The following RSRP1 variants were observed in gnomAD, a reference collection of about 807,000 sequenced individuals.
RSRP1 encodes the protein arginine/serine-rich protein 1.
Under a neutral mutation model 33.0 loss-of-function variants are expected in RSRP1, and 37 were observed. The ratio of observed to expected loss-of-function variants is 1.12; its 90% CI spans 0.86 to 1.48. The LOEUF (loss-of-function observed/expected upper bound fraction) is 1.48, where lower values mean the gene tolerates loss of function less well. Ranked by LOEUF, RSRP1 falls within the 40% of genes most tolerant of loss-of-function variation. The pLI is 0.00. For missense variants in RSRP1, 402 were observed against 385.3 expected (o/e 1.04, Z -0.36); for synonymous variants, 167 against 158.7 (o/e 1.05, Z -0.40).
At position 25,268,262 on chromosome 1, in the gene RSRP1, T is replaced by A. The variant is rs1640385342; in HGVS notation, c.-66-21233A>T. Among the ~76,000 whole-genome samples, 2 of 132,396 alleles carry A rather than the reference T, an allele frequency of 1.5e-5. 1 individual carries two copies. The highest frequency in any genetic ancestry group is 5.2e-5 in the African/African-American group (2 of 38,748). 86.9% of individuals were successfully genotyped at this position (132,396 alleles called of 152,430 possible). A position where few individuals can be genotyped will look rare whatever the true frequency, so the allele number is the denominator to read the frequency against. The stretch of plus-strand genomic sequence containing the variant: ...GGCCGGGCGCAGTGGCTCACGCCTG[T>A]AATCCCAGTACTTTGCGAGGCCAAG... On this transcript the variant is annotated intron_variant, in intron 1 of 1. Coordinates refer to the RSRP1 transcript ENST00000561867.
At position 25,282,126 on chromosome 1, in the gene RSRP1, GA is replaced by G. The variant is rs1206692129; in HGVS notation, c.-66-35098del. On this transcript the variant is annotated intron_variant, in intron 1 of 1. Coordinates refer to the RSRP1 transcript ENST00000561867. ...AACATTATTTCCTTTGGATTTCCCA[GA>G]AACCTCTCAGGTGGGTCTAATTACC... Among the ~76,000 whole-genome samples, 4 of 132,630 alleles carry G rather than the reference GA, an allele frequency of 3.0e-5. 1 individual carries two copies. Among genetic ancestry groups the G allele is most frequent in the African/African-American group, 1.0e-4 (4 of 38,916 alleles). The allele number at this position is 132,630 out of a possible 152,430, so 87.0% of individuals were successfully genotyped here. A position where few individuals can be genotyped will look rare whatever the true frequency, so the allele number is the denominator to read the frequency against.
chr1:25,247,091 A>T, intron 1 of RSRP1, 62 bp from the exon 2 acceptor site: 1 of 1,059,814 alleles, frequency 9.4e-7, no homozygotes, highest in Non-Finnish European at 1.3e-6. Flanking sequence ...GCCACCCGGA[A>T]GCCACAGTCG....
intron 1 of RSRP1, among the ~76,000 whole-genome samples, chr1:25,260,814 T>C (rs1210123062): frequency 1.3e-5 from 2 of 151,790 alleles, no homozygotes; most frequent in Admixed American, 1.3e-4. Flanking sequence ...TTTTTTTTTT[T>C]TGAGACAGAG....
At position 25,289,887 on chromosome 1, in the gene RSRP1, C is replaced by T. The variant is rs1324009526; in HGVS notation, c.-66-42858G>A. Among the ~76,000 whole-genome samples the T allele has an allele frequency of 1.6e-5, 2 of 128,558 alleles. 1 individual carries two copies. Among genetic ancestry groups the T allele is most frequent in the Non-Finnish European group, 3.6e-5 (2 of 54,986 alleles). The allele number at this position is 128,558 out of a possible 152,430, so 84.3% of individuals were successfully genotyped here. On this transcript the variant is annotated intron_variant, in intron 1 of 1. Coordinates refer to the RSRP1 transcript ENST00000561867. ...AAATAATTTTCTACTCCTGAGCATG[C>T]TCATTGGTCAAAGGAAGGAAGGAAT...
At chr1:25,246,387 T>C in intron 2 of RSRP1, 57 bp downstream of exon 2, 1 of 1,577,140 alleles carries the variant, frequency 6.3e-7, no homozygotes, top group Non-Finnish European at 8.6e-7. Flanking sequence ...TTCCCTAGCC[T>C]ACTCATATAC....
intron 1 of RSRP1, chr1:25,335,794 A>G: frequency 2.2e-5 from 2 of 91,702 alleles, no homozygotes; most frequent in African/African-American, 6.9e-5. Flanking sequence ...ACTGTAATCC[A>G]CACTTGTTTT....
In RSRP1 at chr1:25,243,549, C is replaced by A. The variant is rs1362530482; in HGVS notation, c.756+1G>T. The stretch of plus-strand genomic sequence containing the variant: ...AGTGTTCAATGCCTGGATATACTTA[C>A]ATTAGAGCTAAAAGCTATGCTTCTT... On this transcript the variant is annotated splice_donor_variant, in intron 4 of 4. Coordinates refer to ENST00000243189, the MANE Select transcript of RSRP1 (RefSeq NM_020317.5). LOFTEE classifies it high-confidence loss of function. The A allele has an allele frequency of 6.2e-7, 1 of 1,613,530 alleles. No homozygotes were observed. The highest frequency in any genetic ancestry group is 8.5e-7 in the Non-Finnish European group (1 of 1,179,736).
Position 25,300,869 on chromosome 1 carries a change from C to A in RSRP1, c.-67+37109G>T, listed in dbSNP as rs1392126736. On this transcript the variant is annotated intron_variant, in intron 1 of 1. Coordinates refer to the RSRP1 transcript ENST00000561867. ...CACACCTCCTAAGTGAAGCTCTGAA[C>A]TTTCTCCAAGGACTATCAGGGCTTG... 16 of 1,333,730 alleles carry A rather than the reference C, an allele frequency of 1.2e-5. 3 individuals are homozygous for A. The South Asian group carries it at 1.8e-4, about 15-fold the overall frequency. The allele number at this position is 1,333,730 out of a possible 1,614,324, so 82.6% of individuals were successfully genotyped here.
Position 25,282,348 on chromosome 1 carries a change from C to G in RSRP1, c.-66-35319G>C. Among the ~76,000 whole-genome samples, 2 of 131,374 alleles carry G rather than the reference C, an allele frequency of 1.5e-5. 1 individual carries two copies. Among genetic ancestry groups the G allele is most frequent in the Non-Finnish European group, 3.6e-5 (2 of 55,502 alleles). The allele number at this position is 131,374 out of a possible 152,430, so 86.2% of individuals were successfully genotyped here. On this transcript the variant is annotated intron_variant, in intron 1 of 1. Coordinates refer to the RSRP1 transcript ENST00000561867. ...CTCCCGGGTTCAAGCGATTCTCCTG[C>G]CTGCCTCCCGAGTAGCTGGGATTAC...
rs1157213779 is a variant in RSRP1 at position 25,284,167 on chromosome 1, G to A, written c.-66-37138C>T. ...CTTCTGTGGCTTCATTTTCTCATGT[G>A]CCCAGCCAGGGGGTTGGCCCTCATA... On this transcript the variant is annotated intron_variant, in intron 1 of 1. Transcript: ENST00000561867. 5.9e-5 allele frequency among the ~76,000 whole-genome samples: 8 copies of A among 136,300 alleles called. No individual in the cohort carries two copies. The East Asian group carries it at 1.5e-3, about 26-fold the overall frequency. 89.4% of individuals were successfully genotyped at this position (136,300 alleles called of 152,430 possible).
intron 1 of RSRP1, chr1:25,284,786 C>A (rs1641822790): frequency 7.2e-7 from 1 of 1,382,974 alleles, no homozygotes; most frequent in Non-Finnish European, 1.0e-6. Flanking sequence ...TGGATCACTT[C>A]TGGGTCATAG....
In RSRP1 at chr1:25,331,636, C is replaced by T. The variant is rs552256417; in HGVS notation, c.-67+6342G>A. Among the ~76,000 whole-genome samples the T allele has an allele frequency of 5.4e-5, 6 of 110,474 alleles. 2 individuals carry two copies. The highest frequency in any genetic ancestry group is 1.0e-4 in the Non-Finnish European group (5 of 47,946). 72.5% of individuals were successfully genotyped at this position (110,474 alleles called of 152,430 possible). A position where few individuals can be genotyped will look rare whatever the true frequency, so the allele number is the denominator to read the frequency against. ...AGGATGGAGTGCAGTGGTGCAATCT[C>T]GGCTCACTGAAACCTCCGCCTCCCA... On this transcript the variant is annotated intron_variant, in intron 1 of 1. Transcript: ENST00000561867.
chr1:25,243,462 C>A, intron 4 of RSRP1, 88 bp downstream of exon 4: 1 of 1,510,822 alleles, frequency 6.6e-7, no homozygotes, highest in African/African-American at 1.4e-5. Context: ...AGTAGGCCCC[C>A]AACTATCACC....
In RSRP1 at chr1:25,242,624, T is replaced by C. The variant is rs1206598937; in HGVS notation, c.838A>G (p.Lys280Glu). 1 of 1,612,862 alleles carries C rather than the reference T, an allele frequency of 6.2e-7. No homozygotes were observed. Among genetic ancestry groups the C allele is most frequent in the Admixed American group, 1.7e-5 (1 of 59,894 alleles). The change falls in exon 5 of 5, where the codon AAA becomes GAA. Residue 280 changes from lysine (K) to glutamate (E), a missense_variant. Physicochemically the swap from Lys to Glu is moderately conservative, Grantham distance 56 (BLOSUM62 1). Coordinates refer to ENST00000243189, the MANE Select transcript of RSRP1 (RefSeq NM_020317.5). ...ASSRSPKIDQ[K>E]KSPYGLWIPI The stretch of plus-strand genomic sequence containing the variant: ...ATCCACAGTCCATATGGACTTTTTT[T>C]CTGATCTATTTTTGGTGATCTTGAA...
At chr1:25,297,761 G>C (rs138997592) in intron 1 of RSRP1, among the ~76,000 whole-genome samples, 4,001 of 120,528 alleles carry the variant, frequency 0.033, 665 homozygotes, top group African/African-American at 0.11. Context: ...GAAAATGTCA[G>C]CAGAGCTTTC....
chr1:25,246,766 G>A lies in RSRP1; in HGVS notation c.198C>T (p.Ser66=), dbSNP rs760912215. ...TGTACTTCCGCTGGTGGCGCCTTCG[G>A]GAACGGGACCTGGACTTGCTCCTCC... ...RSRRSKSRSR[S]RRRHQRKYRR... is the part of the protein sequence containing the mutation. Residue 66 remains serine (S), a synonymous_variant, in exon 2 of 5, where the codon TCC becomes TCT. Coordinates refer to ENST00000243189, the MANE Select transcript of RSRP1 (RefSeq NM_020317.5). The A allele has an allele frequency of 5.0e-6, 8 of 1,611,268 alleles. No homozygotes were observed. The East Asian group carries it at 1.6e-4, about 31-fold the overall frequency.
chr1:25,246,611 C>T lies in RSRP1; in HGVS notation c.353G>A (p.Arg118Lys), dbSNP rs768199799. The change falls in exon 2 of 5, where the codon AGG becomes AAG. Residue 118 changes from arginine (R) to lysine (K), a missense_variant. Transcript: ENST00000243189. ...GTACGACCTTCCCCGAGAGCGCGAC[C>T]TGCTACGGGACCGGGACCGGTACCG... Reference protein sequence around the residue: ...PSRYRSRSRSRSRSRGRSYCG... With the variant: ...PSRYRSRSRSKSRSRGRSYCG... 3.2e-5 allele frequency: 51 copies of T among 1,613,978 alleles called. No individual in the cohort carries two copies. The highest frequency in any genetic ancestry group is 4.2e-5 in the Non-Finnish European group (49 of 1,180,032).
chr1:25,300,738 G>A (rs1387257458), intron 1 of RSRP1, among the ~76,000 whole-genome samples: 1 of 131,826 alleles, frequency 7.6e-6, no homozygotes, highest in African/African-American at 2.6e-5. Flanking sequence ...GAACCTGGGA[G>A]GCAAATGTTC....
upstream of RSRP1, among the ~76,000 whole-genome samples, chr1:25,249,345 AT>A (rs903751311): frequency 0.019 from 2,835 of 147,652 alleles, 83 homozygotes; most frequent in African/African-American, 0.065. Flanking sequence ...AAAAATCCTA[AT>A]TTTTTTTTTT....
Sources: gnomAD v4.1 joint callset for allele counts (sites outside exome capture counted in the v4.1 genomes callset) on GRCh38, gnomAD v4.1.1 for gene constraint, MANE v1.5 for transcripts, NCBI Gene and HGNC (gene_info 2026-07-23, HGNC 2026-07-21) for gene names.